The following GRIN3A variants were observed in gnomAD, a reference collection of about 807,000 sequenced individuals.
The protein encoded by GRIN3A is glutamate ionotropic receptor NMDA type subunit 3A.
GRIN3A carries 47 observed loss-of-function variants against 92.4 expected under a neutral mutation model. The ratio of observed to expected loss-of-function variants is 0.51; its 90% CI spans 0.40 to 0.65. GRIN3A has a LOEUF of 0.65. Ranked by LOEUF, GRIN3A falls within the 30% of genes least tolerant of loss-of-function variation. The probability of loss-of-function intolerance (pLI) is 0.00; values close to 1 mark genes in which losing one functional copy is unlikely to be tolerated. For synonymous variants in GRIN3A, 527 were observed against 540.6 expected (o/e 0.97, Z 0.35); for missense variants, 1,324 against 1,393.1 (o/e 0.95, Z 0.79).
Position 101,623,354 on chromosome 9 carries a change from T to C in GRIN3A, c.2578A>G (p.Lys860Glu). 6.2e-7 allele frequency: 1 copy of C among 1,613,704 alleles called. No individual in the cohort carries two copies. Residue 860 changes from lysine (K) to glutamate (E), a missense_variant, in exon 5 of 9, where the codon AAA (lysine) becomes GAA (glutamate). Physicochemically the swap from Lys to Glu is moderately conservative, Grantham distance 56. Coordinates refer to ENST00000361820, the MANE Select transcript of GRIN3A (RefSeq NM_133445.3). ...AATGGCTTCCCCACAGTGAGAAGTT[T>C]GCAGTCAGCATCTATTGACACTTCA... ...DYEVSIDADC[K>E]LLTVGKPFAI...
In GRIN3A at chr9:101,651,694, T is replaced by A. The variant is rs59627753; in HGVS notation, c.2352+18366A>T. Among the ~76,000 whole-genome samples the A allele has an allele frequency of 7.4e-3, 1,117 of 151,586 alleles. 8 individuals are homozygous for A. Among genetic ancestry groups the A allele is most frequent in the African/African-American group, 0.025 (1,026 of 41,354 alleles). On this transcript the variant is annotated intron_variant, in intron 3 of 8. Transcript: ENST00000361820. ...GTCATTCTTTCAGATTTTAAAATTT[T>A]TGCTACTTGCTTGGAGGGTTATTAT...
chr9:101,661,708 T>C (rs970267619), intron 3 of GRIN3A, among the ~76,000 whole-genome samples: 9 of 151,820 alleles, frequency 5.9e-5, no homozygotes, highest in African/African-American at 2.2e-4. Flanking sequence ...TACTATATTA[T>C]GTGGACAGAT....
chr9:101,711,832 A>C (rs1470570873), intron 1 of GRIN3A, among the ~76,000 whole-genome samples: 1 of 152,186 alleles, frequency 6.6e-6, no homozygotes, highest in Non-Finnish European at 1.5e-5. Context: ...CCAAGTCTCG[A>C]CTTTCAAAAA....
chr9:101,595,039 G>C lies in GRIN3A; in HGVS notation c.2767-15679C>G, dbSNP rs1232254772. ...CATGGGGTGGGGGTAGAGGGCTCCC[G>C]GGGGCCCTGGTCGAGCAAAAGGGCA... is the stretch of plus-strand genomic sequence containing the variant. On this transcript the variant is annotated intron_variant, in intron 6 of 8. Transcript: ENST00000361820. 2.5e-6 allele frequency: 3 copies of C among 1,209,156 alleles called. No individual in the cohort carries two copies. In the Admixed American group the frequency reaches 7.5e-5, roughly 30 times the overall value. 74.9% of individuals were successfully genotyped at this position (1,209,156 alleles called of 1,614,324 possible).
chr9:101,711,825 A>T (rs1404661147), intron 1 of GRIN3A, among the ~76,000 whole-genome samples: 1 of 152,194 alleles, frequency 6.6e-6, no homozygotes, highest in Non-Finnish European at 1.5e-5. Context: ...TAAGGCTCCA[A>T]GTCTCGACTT....
intron 2 of GRIN3A, among the ~76,000 whole-genome samples, chr9:101,685,313 T>C (rs1377879460): frequency 1.3e-5 from 2 of 149,950 alleles, no homozygotes; most frequent in African/African-American, 4.9e-5. Flanking sequence ...CATGTCTTTT[T>C]TTTTTTTTTT....
At chr9:101,649,479 G>T (rs1391947938) in intron 3 of GRIN3A, among the ~76,000 whole-genome samples, 1 of 152,004 alleles carries the variant, frequency 6.6e-6, no homozygotes, top group Non-Finnish European at 1.5e-5. Context: ...TTTTCATGAA[G>T]ATTCCAGACT....
intron 1 of GRIN3A, among the ~76,000 whole-genome samples, chr9:101,714,717 AT>A (rs1260841709): frequency 6.6e-6 from 1 of 152,090 alleles, no homozygotes. Context: ...ATCAAGATAA[AT>A]TTTTTTCTGG....
At chr9:101,577,928 A>G (rs952495332) in intron 7 of GRIN3A, 84 bp from the exon 8 acceptor site, 70 of 968,550 alleles carry the variant, frequency 7.2e-5, no homozygotes, top group Non-Finnish European at 1.0e-4. Flanking sequence ...ATGTAACAGT[A>G]TATGTAGTCG....
chr9:101,737,566 C>T lies in GRIN3A; in HGVS notation c.414G>A (p.Val138=), dbSNP rs763708935. The change falls in exon 1 of 9, where the codon GTG becomes GTA. Residue 138 remains valine, a synonymous_variant. Transcript: ENST00000361820. ...ACAGGTTGTAGGGTAGCAGCCCTTC[C>T]ACGCGGTTCAGGTTGTCCACGGCAA... ...LLFAVDNLNR[V]EGLLPYNLSL... 6.2e-7 allele frequency: 1 copy of T among 1,614,218 alleles called. No homozygotes were observed. The highest frequency in any genetic ancestry group is 8.5e-7 in the Non-Finnish European group (1 of 1,180,038).
intron 6 of GRIN3A, among the ~76,000 whole-genome samples, chr9:101,590,213 T>A (rs2118804919): frequency 6.6e-6 from 1 of 152,274 alleles, no homozygotes; most frequent in East Asian, 1.9e-4. Flanking sequence ...ATGAATCAGC[T>A]AATTCCTGAT....
At chr9:101,689,416 A>G (rs539060137) in intron 1 of GRIN3A, among the ~76,000 whole-genome samples, 2 of 152,294 alleles carry the variant, frequency 1.3e-5, no homozygotes, top group South Asian at 2.1e-4. Context: ...CATATTGAGC[A>G]TTTAGTATTA....
intron 6 of GRIN3A, among the ~76,000 whole-genome samples, chr9:101,596,143 T>C (rs1042438924): frequency 2.6e-5 from 4 of 152,212 alleles, no homozygotes; most frequent in African/African-American, 9.6e-5. Flanking sequence ...TGGCAAGTTC[T>C]GTGTTCTATA....
At position 101,658,752 on chromosome 9, in the gene GRIN3A, G is replaced by GTCTGTCTGTCTATCTA. The variant is rs1476543672; in HGVS notation, c.2352+11307_2352+11308insTAGATAGACAGACAGA. Among the ~76,000 whole-genome samples the GTCTGTCTGTCTATCTA allele has an allele frequency of 8.1e-3, 1,130 of 139,212 alleles. 15 individuals carry two copies. Among genetic ancestry groups the GTCTGTCTGTCTATCTA allele is most frequent in the East Asian group, 0.065 (283 of 4,360 alleles). 91.3% of individuals were successfully genotyped at this position (139,212 alleles called of 152,430 possible). On this transcript the variant is annotated intron_variant, in intron 3 of 8. Coordinates refer to ENST00000361820, the MANE Select transcript of GRIN3A (RefSeq NM_133445.3). ...ATACATGTTATTTGTCTATCTATCTGTCTATCTGTCTATCTATCTATCTAT... is the reference window on the plus strand; with the variant it reads ...ATACATGTTATTTGTCTATCTATCTGTCTGTCTGTCTATCTATCTATCTGTCTATCTATCTATCTAT...
At chr9:101,659,455 T>C (rs1206909304) in intron 3 of GRIN3A, among the ~76,000 whole-genome samples, 1 of 63,046 alleles carries the variant, frequency 1.6e-5, no homozygotes, top group Non-Finnish European at 3.1e-5. Flanking sequence ...AGTATCTATG[T>C]ATTTATTTAT....
chr9:101,667,674 G>C (rs565026439), intron 3 of GRIN3A, among the ~76,000 whole-genome samples: 1 of 151,902 alleles, frequency 6.6e-6, no homozygotes, highest in African/African-American at 2.4e-5. Flanking sequence ...GAGTAACTAC[G>C]GTATAATAAG....
At chr9:101,710,053 TC>T (rs1829860078) in intron 1 of GRIN3A, among the ~76,000 whole-genome samples, 1 of 152,170 alleles carries the variant, frequency 6.6e-6, no homozygotes, top group Non-Finnish European at 1.5e-5. Context: ...TTTAGAGAAC[TC>T]CGGGTGAATC....
chr9:101,657,532 T>C (rs1431944049), intron 3 of GRIN3A, among the ~76,000 whole-genome samples: 4 of 151,976 alleles, frequency 2.6e-5, no homozygotes, highest in Admixed American at 2.6e-4. Flanking sequence ...TTAGCAGTGC[T>C]GAAGGTAGAG....
At chr9:101,636,154 A>T (rs976301999) in intron 3 of GRIN3A, among the ~76,000 whole-genome samples, 2 of 152,192 alleles carry the variant, frequency 1.3e-5, no homozygotes, top group Non-Finnish European at 2.9e-5. Context: ...AAGTATTGGG[A>T]TTACAGGCGT....
Sources: allele counts gnomAD v4.1 joint callset (sites outside exome capture counted in the v4.1 genomes callset), GRCh38; gene constraint gnomAD v4.1.1; transcripts MANE v1.5; gene names NCBI Gene and HGNC (gene_info 2026-07-23, HGNC 2026-07-21).